Variants in DLG1 observed in about 807,000 individuals in gnomAD.
The protein encoded by DLG1 is disks large homolog 1.
DLG1 carries 42 observed loss-of-function variants against 123.4 expected under a neutral mutation model. The ratio of observed to expected loss-of-function variants is 0.34; its 90% CI spans 0.27 to 0.44. The LOEUF (loss-of-function observed/expected upper bound fraction) is 0.44, where lower values mean the gene tolerates loss of function less well. Ranked by LOEUF, DLG1 falls within the 20% of genes least tolerant of loss-of-function variation. DLG1 has a pLI of 1.00. For missense variants in DLG1, 942 were observed against 1,082.6 expected, an observed-to-expected ratio of 0.87 and a Z score of 1.82; for synonymous variants, 317 against 356.2, an observed-to-expected ratio of 0.89 and a Z score of 1.24.
intron 4 of DLG1, among the ~76,000 whole-genome samples, chr3:197,258,947 G>A (rs573686522): frequency 3.0e-4 from 46 of 151,882 alleles, no homozygotes; most frequent in African/African-American, 9.2e-4. Context: ...AATACTTTAG[G>A]ATAATGATTA....
intron 4 of DLG1, among the ~76,000 whole-genome samples, chr3:197,199,369 G>T (rs1260215299): frequency 6.6e-6 from 1 of 152,046 alleles, no homozygotes; most frequent in African/African-American, 2.4e-5. Context: ...TTCCACATCT[G>T]ACCTTATGTG....
chr3:197,173,340 A>T (rs1031008084), intron 5 of DLG1, among the ~76,000 whole-genome samples: 2 of 152,208 alleles, frequency 1.3e-5, no homozygotes, highest in Non-Finnish European at 2.9e-5. Context: ...ATGTATTATA[A>T]TAAGTGCTTT....
intron 5 of DLG1, among the ~76,000 whole-genome samples, chr3:197,166,867 G>A (rs898350051): frequency 4.0e-5 from 6 of 151,724 alleles, no homozygotes; most frequent in Non-Finnish European, 8.8e-5. Flanking sequence ...ACTCCGGCCT[G>A]GGCAATAAGA....
chr3:197,293,381 T>C (rs1775859480), intron 3 of DLG1, among the ~76,000 whole-genome samples: 1 of 152,226 alleles, frequency 6.6e-6, no homozygotes, highest in Non-Finnish European at 1.5e-5. Flanking sequence ...CAAGTATCTA[T>C]CAGCACTAGA....
chr3:197,182,647 G>T (rs1713007872), intron 5 of DLG1, among the ~76,000 whole-genome samples: 2 of 152,252 alleles, frequency 1.3e-5, no homozygotes, highest in South Asian at 4.1e-4. Flanking sequence ...GTGTATGTAT[G>T]TATTTTCCTA....
Position 197,232,751 on chromosome 3 carries a change from GAAAAA to G in DLG1, c.319-38167_319-38163del, listed in dbSNP as rs765221376. Among the ~76,000 whole-genome samples, 5 of 132,448 alleles carry G rather than the reference GAAAAA, an allele frequency of 3.8e-5. No individual in the cohort carries two copies. In the Admixed American group the frequency reaches 3.8e-4, roughly 10 times the overall value. 86.9% of individuals were successfully genotyped at this position (132,448 alleles called of 152,430 possible). On this transcript the variant is annotated intron_variant, in intron 4 of 24. Transcript: ENST00000667157. ...TCCTAAAATTACCATCTATCTGGCA[GAAAAA>G]AAAAAAAAACTATGAAAAGCTTCCT...
chr3:197,147,432 GCACACACACACACACACACACACACACA>G (rs67643945), intron 6 of DLG1, among the ~76,000 whole-genome samples: 18 of 147,194 alleles, frequency 1.2e-4, no homozygotes, highest in Admixed American at 1.2e-3. Flanking sequence ...TATATGGTGT[GCACACACACACACACACACACACACACA>G]CACACACACA....
intron 14 of DLG1, among the ~76,000 whole-genome samples, chr3:197,092,964 T>C (rs1046135678): frequency 6.6e-6 from 1 of 152,208 alleles, no homozygotes; most frequent in African/African-American, 2.4e-5. Context: ...CAGTCAAATC[T>C]ATAAAACACA....
intron 5 of DLG1, among the ~76,000 whole-genome samples, chr3:197,167,004 T>C (rs1298862365): frequency 6.6e-6 from 1 of 151,978 alleles, no homozygotes; most frequent in Admixed American, 6.5e-5. Context: ...TGTAGACATC[T>C]TGCTGTACCA....
intron 4 of DLG1, among the ~76,000 whole-genome samples, chr3:197,222,858 C>T (rs891992336): frequency 3.3e-5 from 5 of 152,164 alleles, no homozygotes; most frequent in African/African-American, 7.2e-5. Flanking sequence ...AGCATTCTGA[C>T]GGCTTCTCTT....
chr3:197,106,798 G>A (rs1043506612), intron 13 of DLG1, among the ~76,000 whole-genome samples: 1 of 152,142 alleles, frequency 6.6e-6, no homozygotes, highest in African/African-American at 2.4e-5. Context: ...TTCCAGTACT[G>A]AGAGAGATAC....
intron 5 of DLG1, chr3:197,183,482 AT>A (rs1713775115): frequency 1.7e-6 from 2 of 1,163,274 alleles, no homozygotes; most frequent in Non-Finnish European, 2.4e-6. Flanking sequence ...TTTCAAGGCT[AT>A]TCTTTAAATA....
intron 23 of DLG1, among the ~76,000 whole-genome samples, chr3:197,054,711 C>G (rs963194342): frequency 5.3e-5 from 8 of 151,208 alleles, no homozygotes; most frequent in Admixed American, 4.6e-4. Context: ...GTGGTGTGAT[C>G]TCGGCTCACT....
intron 4 of DLG1, among the ~76,000 whole-genome samples, chr3:197,269,782 A>T (rs1322744567): frequency 6.6e-6 from 1 of 152,174 alleles, no homozygotes; most frequent in Admixed American, 6.6e-5. Context: ...AAATTATTAC[A>T]ATGTATGTGA....
intron 5 of DLG1, among the ~76,000 whole-genome samples, chr3:197,162,297 C>T (rs1021290301): frequency 1.3e-5 from 2 of 151,402 alleles, no homozygotes; most frequent in Non-Finnish European, 2.9e-5. Context: ...GAAAAAACAA[C>T]GTAGAGAGAA....
chr3:197,144,707 C>T (rs1004740384), intron 6 of DLG1, among the ~76,000 whole-genome samples: 8 of 152,196 alleles, frequency 5.3e-5, no homozygotes, highest in Non-Finnish European at 1.0e-4. Flanking sequence ...CTCTACTACC[C>T]TTTTGGGTTC....
intron 5 of DLG1, among the ~76,000 whole-genome samples, chr3:197,163,779 C>T (rs1327507771): frequency 6.0e-5 from 9 of 149,412 alleles, no homozygotes; most frequent in Non-Finnish European, 1.2e-4. Context: ...CCTTGTGATC[C>T]ACCCACCTTG....
rs1049916510 is a variant in DLG1, at chr3:197,043,585, A to G, written c.*1038T>C. ...CAAAATATATTTTAAATATATATAT[A>G]TGTTTGTGTGTGTGCGCAACTATGT... On this transcript the variant is annotated 3_prime_UTR_variant, in exon 25 of 25. Transcript: ENST00000667157. The G allele has an allele frequency of 6.6e-6, 1 of 151,602 alleles. No homozygotes were observed. The highest frequency in any genetic ancestry group is 2.4e-5 in the African/African-American group (1 of 41,340). 9.4% of individuals were successfully genotyped at this position (151,602 alleles called of 1,614,324 possible). A position where few individuals can be genotyped will look rare whatever the true frequency, so the allele number is the denominator to read the frequency against.
chr3:197,256,048 A>C (rs1756708636), intron 4 of DLG1, among the ~76,000 whole-genome samples: 1 of 152,232 alleles, frequency 6.6e-6, no homozygotes, highest in South Asian at 2.1e-4. Flanking sequence ...ATACTACTGA[A>C]CAGGAAGAAT....
Sources: gnomAD v4.1 joint callset for allele counts (sites outside exome capture counted in the v4.1 genomes callset) on GRCh38, gnomAD v4.1.1 for gene constraint, MANE v1.5 for transcripts, NCBI Gene and HGNC (gene_info 2026-07-23, HGNC 2026-07-21) for gene names.